Variants in ZNF678 observed in about 807,000 individuals in gnomAD.
ZNF678 encodes hypothetical protein MGC42493.
In ZNF678, 5 loss-of-function variants were observed where a neutral mutation model predicts 3.0. The observed-to-expected ratio is 1.69, with a 90% confidence interval of 0.88 to 3.56. The LOEUF is 3.56. Ranked by LOEUF, ZNF678 falls within the 30% of genes most tolerant of loss-of-function variation. The pLI, the probability that ZNF678 is intolerant of heterozygous loss-of-function variation, is 0.00. For missense variants in ZNF678, 593 were observed against 605.0 expected (o/e 0.98, Z 0.21); for synonymous variants, 218 against 199.6 (o/e 1.09, Z -0.78).
chr1:227,585,236 T>C (rs1190699165), intron 1 of ZNF678, among the ~76,000 whole-genome samples: 1 of 152,172 alleles, frequency 6.6e-6, no homozygotes, highest in East Asian at 1.9e-4. Context: ...CTCGTGGACA[T>C]CTGAGCTGAA....
chr1:227,651,104 A>G (rs1353687706), intron 3 of ZNF678, 28 bp downstream of exon 3: 1 of 1,608,288 alleles, frequency 6.2e-7, no homozygotes, highest in Non-Finnish European at 8.5e-7. Flanking sequence ...TTGGGTCTCC[A>G]GGCTGATGAG....
chr1:227,609,066 T>G lies in ZNF678; in HGVS notation c.-163-37478T>G, dbSNP rs188276584. ...CCAAAACGTCAAATACTAAAATTTT[T>G]AAAATATTTAAATGTATATAAAGGA... is the stretch of plus-strand genomic sequence containing the variant. On this transcript the variant is annotated intron_variant, in intron 1 of 3. Transcript: ENST00000343776. 2.0e-5 allele frequency among the ~76,000 whole-genome samples: 3 copies of G among 152,278 alleles called. No individual in the cohort carries two copies. The East Asian group carries it at 5.8e-4, about 29-fold the overall frequency.
At chr1:227,594,458 T>C (rs1302501911) in intron 1 of ZNF678, among the ~76,000 whole-genome samples, 2 of 152,238 alleles carry the variant, frequency 1.3e-5, no homozygotes, top group Non-Finnish European at 2.9e-5. Context: ...TTTATTTTAA[T>C]GTCCAGTTTA....
At chr1:227,664,900 G>A (rs1338584042), downstream of ZNF678, among the ~76,000 whole-genome samples, 1 of 152,142 alleles carries the variant, frequency 6.6e-6, no homozygotes, top group African/African-American at 2.4e-5. Context: ...TGCAAGCACA[G>A]CCTCTCTCAG....
intron 3 of ZNF678, among the ~76,000 whole-genome samples, chr1:227,652,297 A>G (rs754601744): frequency 6.6e-6 from 1 of 152,108 alleles, no homozygotes; most frequent in African/African-American, 2.4e-5. Context: ...TACTATTTGC[A>G]TGGAATCTTC....
chr1:227,590,439 A>C (rs1657381756), intron 1 of ZNF678, among the ~76,000 whole-genome samples: 1 of 151,760 alleles, frequency 6.6e-6, no homozygotes, highest in African/African-American at 2.4e-5. Context: ...TATTAGTGAT[A>C]ATCTCCAAGA....
At chr1:227,571,030 A>C (rs1175253713) in intron 1 of ZNF678, among the ~76,000 whole-genome samples, 2 of 152,184 alleles carry the variant, frequency 1.3e-5, no homozygotes, top group African/African-American at 4.8e-5. Context: ...ATTTCACAAA[A>C]TTTGTATTTT....
intron 1 of ZNF678, among the ~76,000 whole-genome samples, chr1:227,605,047 G>A (rs945372535): frequency 2.6e-5 from 4 of 152,012 alleles, no homozygotes; most frequent in South Asian, 2.1e-4. Context: ...AGTAGAGACC[G>A]GGTTTCACCA....
chr1:227,678,443 C>G (rs1659718853), downstream of ZNF678, among the ~76,000 whole-genome samples: 1 of 152,180 alleles, frequency 6.6e-6, no homozygotes, highest in Admixed American at 6.5e-5. Flanking sequence ...GAATATGAAC[C>G]ACTTCTCTTG....
Position 227,654,774 on chromosome 1 carries a change from A to C in ZNF678, c.524A>C (p.His175Pro). Residue 175 changes from histidine to proline, a missense_variant, in exon 4 of 4, where the codon CAT becomes CCT. Physicochemically the swap from His to Pro is moderately conservative, Grantham distance 77. Transcript: ENST00000343776. ...WSQLTNHKKIHTGEKPYKCDE... is the reference protein window; with the variant it reads ...WSQLTNHKKIPTGEKPYKCDE... Reference sequence around the variant, plus strand: ...CAACTAACTAACCATAAGAAAATTCATACTGGAGAGAAACCCTACAAATGT... The same window carrying C: ...CAACTAACTAACCATAAGAAAATTCCTACTGGAGAGAAACCCTACAAATGT... The C allele has an allele frequency of 6.2e-7, 1 of 1,613,422 alleles. No individual in the cohort carries two copies.
intron 5 of ZNF678, among the ~76,000 whole-genome samples, chr1:227,668,365 C>A (rs1471620702): frequency 6.6e-6 from 1 of 152,118 alleles, no homozygotes; most frequent in Non-Finnish European, 1.5e-5. Flanking sequence ...ATTAAAATGT[C>A]TTTTGATCTG....
In ZNF678 at chr1:227,604,048, A is replaced by G. The variant is rs531555501; in HGVS notation, c.-164+40324A>G. ...GATGGCCAAATAGGATTCCAATATAAAATGTACTTAACTGTTTTTCCTTAT... is the reference window on the plus strand; with the variant it reads ...GATGGCCAAATAGGATTCCAATATAGAATGTACTTAACTGTTTTTCCTTAT... On this transcript the variant is annotated intron_variant, in intron 1 of 3. Coordinates refer to ENST00000343776, the MANE Select transcript of ZNF678 (RefSeq NM_001367909.1). Among the ~76,000 whole-genome samples the G allele has an allele frequency of 1.1e-4, 16 of 152,324 alleles. 1 individual carries two copies. Among genetic ancestry groups the G allele is most frequent in the African/African-American group, 3.9e-4 (16 of 41,552 alleles).
chr1:227,677,314 C>T (rs527324075), exon 6 of ZNF678: 24 of 152,290 alleles, frequency 1.6e-4, no homozygotes, highest in African/African-American at 4.6e-4. Flanking sequence ...ATCAAGTGCT[C>T]CTGACCACTA....
At chr1:227,622,526 A>G (rs1658305656) in intron 1 of ZNF678, among the ~76,000 whole-genome samples, 1 of 152,200 alleles carries the variant, frequency 6.6e-6, no homozygotes, top group Non-Finnish European at 1.5e-5. Context: ...ATAAACTTCA[A>G]ATATTTTATA....
chr1:227,627,225 G>T lies in ZNF678; in HGVS notation c.-163-19319G>T, dbSNP rs1322875963. Among the ~76,000 whole-genome samples, 3 of 151,712 alleles carry T rather than the reference G, an allele frequency of 2.0e-5. No homozygotes were observed. In the East Asian group the frequency reaches 5.8e-4, roughly 29 times the overall value. ...CTATCAATGCCTAAGCGAAAGGTTT[G>T]GTGAAGGGTTTTAAGTAATTTCCAT... On this transcript the variant is annotated intron_variant, in intron 1 of 3. Transcript: ENST00000343776.
chr1:227,612,158 A>G (rs1290952362), intron 1 of ZNF678, among the ~76,000 whole-genome samples: 1 of 152,166 alleles, frequency 6.6e-6, no homozygotes, highest in Non-Finnish European at 1.5e-5. Context: ...CTGGATGGGC[A>G]ACATCTATCA....
intron 1 of ZNF678, among the ~76,000 whole-genome samples, chr1:227,617,351 G>A (rs550398587): frequency 1.1e-4 from 16 of 152,290 alleles, no homozygotes; most frequent in Admixed American, 2.6e-4. Flanking sequence ...TTAAGAAGTG[G>A]CCCAAATACA....
chr1:227,618,049 G>A (rs942783316), intron 1 of ZNF678, among the ~76,000 whole-genome samples: 1 of 152,180 alleles, frequency 6.6e-6, no homozygotes, highest in Non-Finnish European at 1.5e-5. Flanking sequence ...TGTCCAGTCT[G>A]TCAGCAGCAG....
At chr1:227,614,131 A>G (rs1468873361) in intron 1 of ZNF678, among the ~76,000 whole-genome samples, 1 of 152,192 alleles carries the variant, frequency 6.6e-6, no homozygotes. Context: ...CCTGCAGACT[A>G]AACTCCTTAT....
Sources: allele counts gnomAD v4.1 joint callset (sites outside exome capture counted in the v4.1 genomes callset), GRCh38; gene constraint gnomAD v4.1.1; transcripts MANE v1.5; gene names NCBI Gene and HGNC (gene_info 2026-07-23, HGNC 2026-07-21).